The following ACVR2A variants were observed in gnomAD, a reference collection of about 807,000 sequenced individuals.
The protein encoded by ACVR2A is activin A receptor type 2A.
A neutral mutation model predicts 61.4 loss-of-function variants in ACVR2A; 7 were observed. The ratio of observed to expected loss-of-function variants is 0.11; its 90% CI spans 0.06 to 0.21. ACVR2A has a LOEUF of 0.21. Among genes scored for constraint, ACVR2A ranks in the 10% least tolerant of loss-of-function variants. The pLI is 1.00. For synonymous variants in ACVR2A, 193 were observed against 208.3 expected, an observed-to-expected ratio of 0.93 and a Z score of 0.63; for missense variants, 322 against 621.7, an observed-to-expected ratio of 0.52 and a Z score of 5.13.
At chr2:147,894,038 A>T (rs916066142) in intron 1 of ACVR2A, among the ~76,000 whole-genome samples, 5 of 152,118 alleles carry the variant, frequency 3.3e-5, no homozygotes, top group Non-Finnish European at 5.9e-5. Context: ...ATTTTTGTAT[A>T]TGGCGTGATA....
chr2:147,920,536 C>T (rs547268352), intron 8 of ACVR2A, among the ~76,000 whole-genome samples, 192 bp downstream of exon 8: 4 of 152,216 alleles, frequency 2.6e-5, no homozygotes, highest in East Asian at 1.9e-4. Context: ...TCAAGCACTT[C>T]GTAAAGCAAC....
chr2:147,850,342 A>G (rs182193260), intron 1 of ACVR2A, among the ~76,000 whole-genome samples: 17 of 152,256 alleles, frequency 1.1e-4, no homozygotes, highest in African/African-American at 3.9e-4. Flanking sequence ...AGTCTTTTCC[A>G]CTGTTTTTTC....
chr2:147,922,825 G>A (rs761876349), intron 8 of ACVR2A, 148 bp from the exon 9 acceptor site: 24 of 689,384 alleles, frequency 3.5e-5, no homozygotes, highest in Non-Finnish European at 4.9e-5. Context: ...TTAAGTATAC[G>A]CAGAAAGGAT....
intron 1 of ACVR2A, among the ~76,000 whole-genome samples, chr2:147,879,590 T>C (rs994100975): frequency 6.6e-6 from 1 of 152,186 alleles, no homozygotes; most frequent in African/African-American, 2.4e-5. Flanking sequence ...AGGCCTGAGA[T>C]AGTTTGATGT....
intron 7 of ACVR2A, among the ~76,000 whole-genome samples, chr2:147,919,956 AAC>A (rs1687340607): frequency 6.6e-6 from 1 of 152,150 alleles, no homozygotes; most frequent in Admixed American, 6.6e-5. Flanking sequence ...TGACATAGAT[AAC>A]ATATCTTTTT....
In ACVR2A at chr2:147,928,467, T is replaced by C. The variant is rs1687561729; in HGVS notation, c.*1193T>C. 1 of 152,078 alleles carries C rather than the reference T, an allele frequency of 6.6e-6. No individual in the cohort carries two copies. The highest frequency in any genetic ancestry group is 2.4e-5 in the African/African-American group (1 of 41,294). The allele number at this position is 152,078 out of a possible 1,614,324, so 9.4% of individuals were successfully genotyped here. ...TGGTGCCATCTTGTCAGAGTAATAT[T>C]TGATGTCTGTGATATGTAAAGAATT... On this transcript the variant is annotated 3_prime_UTR_variant, in exon 11 of 11. Coordinates refer to ENST00000241416, the MANE Select transcript of ACVR2A (RefSeq NM_001616.5).
At chr2:147,887,127 G>A (rs541875206) in intron 1 of ACVR2A, among the ~76,000 whole-genome samples, 1 of 151,686 alleles carries the variant, frequency 6.6e-6, no homozygotes, top group African/African-American at 2.4e-5. Context: ...CAGGAGGATC[G>A]CTTGAGCCCA....
chr2:147,909,057 A>T (rs1473471945), intron 4 of ACVR2A, among the ~76,000 whole-genome samples: 2 of 152,134 alleles, frequency 1.3e-5, no homozygotes, highest in Admixed American at 6.5e-5. Flanking sequence ...ATTGTCTCTC[A>T]CAAACCTGGT....
rs927277055 is a variant in ACVR2A, at chr2:147,929,619, C to G, written c.*2345C>G. On this transcript the variant is annotated 3_prime_UTR_variant, in exon 11 of 11. Coordinates refer to ENST00000241416, the MANE Select transcript of ACVR2A (RefSeq NM_001616.5). Reference sequence around the variant, plus strand: ...TAAAATAAGAATGTTCCAGTGACTACCTGTCCTTATACCTAGTCTTGTTAA... The same window carrying G: ...TAAAATAAGAATGTTCCAGTGACTAGCTGTCCTTATACCTAGTCTTGTTAA... 1 of 152,292 alleles carries G rather than the reference C, an allele frequency of 6.6e-6. No homozygotes were observed. Among genetic ancestry groups the G allele is most frequent in the African/African-American group, 2.4e-5 (1 of 41,374 alleles). 9.4% of individuals were successfully genotyped at this position (152,292 alleles called of 1,614,324 possible). A position where few individuals can be genotyped will look rare whatever the true frequency, so the allele number is the denominator to read the frequency against.
Position 147,917,336 on chromosome 2 carries a change from G to A in ACVR2A, c.726G>A (p.Lys242=), listed in dbSNP as rs368172793. 1.2e-6 allele frequency: 2 copies of A among 1,612,330 alleles called. No individual in the cohort carries two copies. The highest frequency in any genetic ancestry group is 2.7e-5 in the African/African-American group (2 of 74,932). The change falls in exon 6 of 11, where the codon AAG becomes AAA. Residue 242 remains lysine, a synonymous_variant. Transcript: ENST00000241416. The stretch of plus-strand genomic sequence containing the variant: ...AAGTCTACAGTTTGCCTGGAATGAA[G>A]CATGAGAACATATTACAGTTCATTG... The part of the protein sequence containing the change: ...EYEVYSLPGM[K]HENILQFIGA...
At chr2:147,853,977 C>A (rs1386538701) in intron 1 of ACVR2A, among the ~76,000 whole-genome samples, 2 of 152,080 alleles carry the variant, frequency 1.3e-5, no homozygotes, top group African/African-American at 4.8e-5. Flanking sequence ...ATTGATAACT[C>A]CACATAACAT....
intron 1 of ACVR2A, among the ~76,000 whole-genome samples, chr2:147,856,584 A>G (rs1266650825): frequency 5.3e-5 from 8 of 152,162 alleles, no homozygotes; most frequent in African/African-American, 1.9e-4. Flanking sequence ...TTAATTTTAT[A>G]TAACCTAAGA....
chr2:147,888,492 T>A (rs764519280), intron 1 of ACVR2A, among the ~76,000 whole-genome samples: 17 of 152,176 alleles, frequency 1.1e-4, no homozygotes, highest in Non-Finnish European at 2.1e-4. Context: ...ATCCTATACA[T>A]GTTTTGTTAA....
chr2:147,891,715 A>G (rs547031557), intron 1 of ACVR2A, among the ~76,000 whole-genome samples: 16 of 152,336 alleles, frequency 1.1e-4, no homozygotes, highest in Admixed American at 1.0e-3. Context: ...CTACAAGGGC[A>G]GAGTTAAGTA....
intron 1 of ACVR2A, among the ~76,000 whole-genome samples, chr2:147,878,890 C>G (rs1301889856): frequency 6.6e-6 from 1 of 150,440 alleles, no homozygotes; most frequent in Non-Finnish European, 1.5e-5. Context: ...GCCTGGGTGA[C>G]AGAAAGAGAC....
chr2:147,884,303 T>C (rs1450821528), intron 1 of ACVR2A, among the ~76,000 whole-genome samples: 2 of 152,274 alleles, frequency 1.3e-5, no homozygotes, highest in East Asian at 3.9e-4. Flanking sequence ...AAAACTTGTA[T>C]TTACTTGTAC....
intron 4 of ACVR2A, among the ~76,000 whole-genome samples, chr2:147,912,306 A>T (rs1687139285): frequency 6.6e-6 from 1 of 152,008 alleles, no homozygotes; most frequent in African/African-American, 2.4e-5. Flanking sequence ...GTAAAGAAGA[A>T]ATGTAATCAG....
At chr2:147,906,739 G>T (rs973185871) in intron 4 of ACVR2A, among the ~76,000 whole-genome samples, 3 of 151,462 alleles carry the variant, frequency 2.0e-5, no homozygotes, top group Non-Finnish European at 4.4e-5. Context: ...ATTATATCAG[G>T]CACTATACAG....
intron 1 of ACVR2A, among the ~76,000 whole-genome samples, chr2:147,878,230 T>C (rs970086400): frequency 1.3e-5 from 2 of 152,190 alleles, no homozygotes; most frequent in African/African-American, 4.8e-5. Flanking sequence ...GGAAATGTTT[T>C]TAATTGTAAA....
Sources: allele counts gnomAD v4.1 joint callset (sites outside exome capture counted in the v4.1 genomes callset), GRCh38; gene constraint gnomAD v4.1.1; transcripts MANE v1.5; gene names NCBI Gene and HGNC (gene_info 2026-07-23, HGNC 2026-07-21).